FRMPD4: variants seen among roughly 807,000 people sequenced by gnomAD.
The protein encoded by FRMPD4 is FERM and PDZ domain-containing protein 4.
In FRMPD4, 22 loss-of-function variants were observed where a neutral mutation model predicts 94.1. That is an observed-to-expected ratio of 0.23 (90% CI 0.17 to 0.33). FRMPD4 has a LOEUF of 0.33. Ranked by LOEUF, FRMPD4 falls within the 10% of genes least tolerant of loss-of-function variation. FRMPD4 has a pLI of 1.00. For missense variants in FRMPD4, 1,111 were observed against 1,339.9 expected (o/e 0.83, Z 2.67); for synonymous variants, 631 against 548.6 (o/e 1.15, Z -2.10).
At chrX:12,112,607 A>G (rs1472350486) in intron 3 of FRMPD4, among the ~76,000 whole-genome samples, 1 of 111,498 alleles carries the variant, frequency 9.0e-6, no homozygotes, top group Non-Finnish European at 1.9e-5. Context: ...TAAAAACATA[A>G]CCAAGATCTG....
At chrX:12,485,400 CT>C (rs1390698650) in intron 1 of FRMPD4, among the ~76,000 whole-genome samples, 1 of 111,900 alleles carries the variant, frequency 8.9e-6, no homozygotes, top group Non-Finnish European at 1.9e-5. Flanking sequence ...CTCAATGAAT[CT>C]TTTTGGAGAA....
chrX:11,863,065 C>T (rs867167596), intron 1 of FRMPD4, among the ~76,000 whole-genome samples: 1 of 98,535 alleles, frequency 1.0e-5, no homozygotes, highest in South Asian at 5.3e-4. Context: ...TACATATGTA[C>T]AACGTGCAGG....
intron 3 of FRMPD4, among the ~76,000 whole-genome samples, chrX:12,033,939 C>T (rs1298767403): frequency 3.6e-5 from 4 of 112,205 alleles, no homozygotes; most frequent in Admixed American, 1.9e-4. Context: ...TCAGGTGATC[C>T]GCCCGCCTCG....
intron 2 of FRMPD4, among the ~76,000 whole-genome samples, chrX:12,564,859 G>T (rs1302935254): frequency 9.1e-6 from 1 of 110,437 alleles, no homozygotes; most frequent in Non-Finnish European, 1.9e-5. Context: ...GAGAGAGAAT[G>T]TATCAGAGGG....
chrX:12,133,619 T>C (rs5979514), upstream of FRMPD4, among the ~76,000 whole-genome samples: 6,359 of 111,037 alleles, frequency 0.057, 439 homozygotes, highest in African/African-American at 0.2. Flanking sequence ...ATAATACAAA[T>C]AAATGAGTTT....
chrX:12,415,114 C>T (rs1187508341), intron 1 of FRMPD4, among the ~76,000 whole-genome samples: 1 of 110,749 alleles, frequency 9.0e-6, no homozygotes, highest in Non-Finnish European at 1.9e-5. Flanking sequence ...CCTGGTGTTC[C>T]ATGTAAGCCA....
chrX:12,388,844 T>C (rs1331119891), intron 1 of FRMPD4, among the ~76,000 whole-genome samples: 2 of 85,644 alleles, frequency 2.3e-5, no homozygotes, highest in Non-Finnish European at 4.5e-5. Context: ...TATATATATA[T>C]ATATATACAC....
At chrX:12,173,007 C>T (rs187495888) in intron 1 of FRMPD4, among the ~76,000 whole-genome samples, 2 of 112,673 alleles carry the variant, frequency 1.8e-5, no homozygotes, top group Admixed American at 9.4e-5. Context: ...AAGTAATTCT[C>T]TGTCCAAAAT....
chrX:12,033,766 C>T (rs1222242162), intron 3 of FRMPD4, among the ~76,000 whole-genome samples: 10 of 111,892 alleles, frequency 8.9e-5, no homozygotes, highest in African/African-American at 2.9e-4. Context: ...GGCACAATCT[C>T]GGCTCACTGC....
At chrX:12,368,322 G>T (rs2056113531) in intron 1 of FRMPD4, among the ~76,000 whole-genome samples, 1 of 112,250 alleles carries the variant, frequency 8.9e-6, no homozygotes, top group Admixed American at 9.4e-5. Flanking sequence ...TACAACAGCT[G>T]ACGTTACCAG....
chrX:12,440,438 C>T (rs1601945552), intron 1 of FRMPD4, among the ~76,000 whole-genome samples: 2 of 111,642 alleles, frequency 1.8e-5, no homozygotes, highest in East Asian at 5.6e-4. Context: ...TGCAAAACTT[C>T]AGGGAATTCC....
At position 11,848,814 on chromosome X, in the gene FRMPD4, A is replaced by C. The variant is rs151284700; in HGVS notation, c.-160-16272A>C. 2.7e-4 allele frequency among the ~76,000 whole-genome samples: 30 copies of C among 111,396 alleles called. No individual in the cohort carries two copies. In the East Asian group the frequency reaches 8.1e-3, roughly 30 times the overall value. ...CCCCTGTAATTGAGGTCACCATTTC[A>C]ACTGACTATATTCAATATGTTCTAT... On this transcript the variant is annotated intron_variant, in intron 1 of 18. Transcript: ENST00000640291.
At chrX:12,299,542 T>C (rs1403348449) in intron 1 of FRMPD4, among the ~76,000 whole-genome samples, 1 of 106,118 alleles carries the variant, frequency 9.4e-6, no homozygotes, top group East Asian at 2.9e-4. Context: ...TGATAAATTC[T>C]GGAAGTTATT....
intron 1 of FRMPD4, among the ~76,000 whole-genome samples, chrX:12,156,810 T>C (rs1911440373): frequency 8.9e-6 from 1 of 112,315 alleles, no homozygotes; most frequent in Non-Finnish European, 1.9e-5. Context: ...ATCATGCATT[T>C]ACAATCATGC....
intron 3 of FRMPD4, among the ~76,000 whole-genome samples, chrX:11,982,681 T>G (rs747623014): frequency 8.9e-6 from 1 of 111,907 alleles, no homozygotes; most frequent in East Asian, 2.8e-4. Context: ...TCAAATCCGC[T>G]GTTTAATCTG....
chrX:12,279,533 T>TA (rs1420281230), intron 1 of FRMPD4, among the ~76,000 whole-genome samples: 1 of 112,099 alleles, frequency 8.9e-6, no homozygotes, highest in Non-Finnish European at 1.9e-5. Flanking sequence ...CTCTGTTTCT[T>TA]AAAGACCAGC....
At chrX:11,904,465 G>T (rs772193973) in intron 3 of FRMPD4, among the ~76,000 whole-genome samples, 33 of 112,398 alleles carry the variant, frequency 2.9e-4, no homozygotes, top group African/African-American at 6.8e-4. Context: ...TAAAATGTTG[G>T]CTGCAAGAAA....
At chrX:12,276,331 C>T (rs139823611) in intron 1 of FRMPD4, among the ~76,000 whole-genome samples, 24 of 112,173 alleles carry the variant, frequency 2.1e-4, no homozygotes, top group Middle Eastern at 4.6e-3. Context: ...CCGAGGTAGT[C>T]AGGCCATAAC....
intron 3 of FRMPD4, among the ~76,000 whole-genome samples, chrX:12,035,893 A>G (rs2054718075): frequency 1.8e-5 from 2 of 112,238 alleles, no homozygotes; most frequent in Non-Finnish European, 3.8e-5. Flanking sequence ...ATGCATAGTA[A>G]TTAAATGTAT....
Sources: allele counts gnomAD v4.1 joint callset (sites outside exome capture counted in the v4.1 genomes callset), GRCh38; gene constraint gnomAD v4.1.1; transcripts MANE v1.5; gene names NCBI Gene and HGNC (gene_info 2026-07-23, HGNC 2026-07-21).